The following FHIP2A variants were observed in gnomAD, a reference collection of about 807,000 sequenced individuals.
The protein encoded by FHIP2A is FHF complex subunit HOOK interacting protein 2A.
In FHIP2A, 46 loss-of-function variants were observed where a neutral mutation model predicts 93.5. The ratio of observed to expected loss-of-function variants is 0.49; its 90% CI spans 0.39 to 0.63. The LOEUF is 0.63. Among genes scored for constraint, FHIP2A ranks in the 20% least tolerant of loss-of-function variants. The pLI is 0.00. For missense variants in FHIP2A, 769 were observed against 909.7 expected (o/e 0.85, Z 1.99); for synonymous variants, 332 against 326.5 (o/e 1.02, Z -0.18).
chr10:114,881,416 C>T (rs1435923384), intron 16 of FHIP2A, among the ~76,000 whole-genome samples: 1 of 152,092 alleles, frequency 6.6e-6, no homozygotes. Flanking sequence ...CTCACCGGCA[C>T]CCTATGAGGC....
chr10:114,864,924 A>G (rs1199042291), downstream of FHIP2A, among the ~76,000 whole-genome samples: 1 of 152,160 alleles, frequency 6.6e-6, no homozygotes, highest in Non-Finnish European at 1.5e-5. Context: ...CCCCCAGGAA[A>G]ACCTCCACTT....
At chr10:114,872,864 C>T (rs1284368783) in intron 16 of FHIP2A, among the ~76,000 whole-genome samples, 3 of 152,180 alleles carry the variant, frequency 2.0e-5, no homozygotes, top group Non-Finnish European at 4.4e-5. Flanking sequence ...AATCCCCATC[C>T]CTGAGGGTCT....
At chr10:114,868,044 C>T (rs2083839223), downstream of FHIP2A, among the ~76,000 whole-genome samples, 1 of 151,832 alleles carries the variant, frequency 6.6e-6, no homozygotes, top group African/African-American at 2.4e-5. Flanking sequence ...AATCCTGCCT[C>T]AGCCTCCTGA....
intron 5 of FHIP2A, among the ~76,000 whole-genome samples, chr10:114,837,317 T>G (rs1450355930): frequency 6.6e-6 from 1 of 152,038 alleles, no homozygotes; most frequent in African/African-American, 2.4e-5. Flanking sequence ...GAGTTCGAGA[T>G]CAGCCTGACC....
downstream of FHIP2A, among the ~76,000 whole-genome samples, chr10:114,865,223 G>A (rs1352819257): frequency 1.3e-5 from 2 of 152,010 alleles, no homozygotes; most frequent in Admixed American, 1.3e-4. Flanking sequence ...TCTGACCTCA[G>A]GTGATCCACC....
At chr10:114,825,640 T>G (rs551901404) in intron 1 of FHIP2A, among the ~76,000 whole-genome samples, 1 of 152,364 alleles carries the variant, frequency 6.6e-6, no homozygotes, top group South Asian at 2.1e-4. Context: ...AAGAGTCTTA[T>G]GAAATGAATC....
intron 16 of FHIP2A, among the ~76,000 whole-genome samples, chr10:114,886,648 A>G (rs188773558): frequency 0.012 from 1,793 of 152,182 alleles, 11 homozygotes; most frequent in Middle Eastern, 0.02. Context: ...GTGTTCAAGC[A>G]ATTCTCCTGC....
rs149397516 is a variant in FHIP2A at position 114,881,827 on chromosome 10, C to G, written c.2193-17663C>G. Among the ~76,000 whole-genome samples the G allele has an allele frequency of 6.8e-3, 1,038 of 152,334 alleles. 8 individuals carry two copies. The highest frequency in any genetic ancestry group is 0.024 in the African/African-American group (997 of 41,574). The stretch of plus-strand genomic sequence containing the variant: ...CTCGCTCTCCCTACCCTCAATTTCT[C>G]CTGGAAAAAGCAAACATGACCAGGT... On this transcript the variant is annotated intron_variant, in intron 16 of 16. Transcript: ENST00000369250.
At chr10:114,866,465 A>G (rs1263394431), downstream of FHIP2A, among the ~76,000 whole-genome samples, 1 of 152,214 alleles carries the variant, frequency 6.6e-6, no homozygotes, top group Non-Finnish European at 1.5e-5. Flanking sequence ...AGCCTGTTTC[A>G]TTCACACTCA....
intron 16 of FHIP2A, among the ~76,000 whole-genome samples, chr10:114,896,093 C>G (rs1249821896): frequency 6.6e-6 from 1 of 152,062 alleles, no homozygotes; most frequent in Non-Finnish European, 1.5e-5. Context: ...AATGATTGAT[C>G]CTAGTTACCA....
rs199537610 is a variant in FHIP2A at position 114,846,218 on chromosome 10, A to G, written c.1249A>G (p.Ile417Val). Residue 417 changes from isoleucine (I) to valine (V), a missense_variant, in exon 10 of 17, where the codon ATC (isoleucine) becomes GTC (valine). Ile to Val is a conservative substitution (Grantham distance 29). Transcript: ENST00000369248. The part of the protein sequence containing the change: ...ILTSTALLHR[I>V]VRQVTSDVLL... ...CACATCCACTGCTCTGCTTCATCGC[A>G]TCGTTCGGCAAGTGACCTCTGATGT... is the stretch of plus-strand genomic sequence containing the variant. 2.9e-5 allele frequency: 47 copies of G among 1,614,150 alleles called. No individual in the cohort carries two copies. Among genetic ancestry groups the G allele is most frequent in the South Asian group, 1.1e-5 (1 of 91,084 alleles).
chr10:114,826,721 C>G (rs2083578734), intron 1 of FHIP2A, among the ~76,000 whole-genome samples: 1 of 152,132 alleles, frequency 6.6e-6, no homozygotes, highest in Non-Finnish European at 1.5e-5. Context: ...GCATCAGGCA[C>G]AGTGGCTCAC....
rs1343757322 is a variant in FHIP2A at position 114,848,650 on chromosome 10, T to C, written c.1716T>C (p.Phe572=). ...ATTGTGGCCGTTTTCATTTAAGTTT[T>C]CTCTGTCTGGTACCGGATGACGCAA... ...KTEVHKIVNS[F]LCLVPDDAKS... Residue 572 remains phenylalanine (F), a synonymous_variant, in exon 13 of 17, where the codon TTT becomes TTC. Transcript: ENST00000369248. 2.5e-6 allele frequency: 4 copies of C among 1,607,380 alleles called. No homozygotes were observed. The African/African-American group carries it at 5.4e-5, about 22-fold the overall frequency.
intron 5 of FHIP2A, among the ~76,000 whole-genome samples, chr10:114,839,380 G>A (rs1226173911): frequency 6.6e-6 from 1 of 152,104 alleles, no homozygotes; most frequent in Non-Finnish European, 1.5e-5. Flanking sequence ...ACCCACCTCA[G>A]CCTCCCAAAG....
chr10:114,842,355 G>A (rs2083673841), intron 5 of FHIP2A, among the ~76,000 whole-genome samples: 1 of 152,072 alleles, frequency 6.6e-6, no homozygotes, highest in Non-Finnish European at 1.5e-5. Context: ...ATGGGTCACT[G>A]TGCCCAGCTT....
At chr10:114,869,518 G>T (rs980884038), downstream of FHIP2A, among the ~76,000 whole-genome samples, 3 of 152,004 alleles carry the variant, frequency 2.0e-5, no homozygotes, top group Non-Finnish European at 4.4e-5. Flanking sequence ...TTGGTGTTGG[G>T]CTCCCACAGA....
At chr10:114,878,081 C>A (rs1031368622) in intron 16 of FHIP2A, among the ~76,000 whole-genome samples, 2 of 152,112 alleles carry the variant, frequency 1.3e-5, no homozygotes, top group African/African-American at 2.4e-5. Context: ...TTTCTATTCA[C>A]ATTTTTATGT....
intron 14 of FHIP2A, among the ~76,000 whole-genome samples, chr10:114,855,955 G>T (rs1032708135): frequency 1.3e-5 from 2 of 152,136 alleles, no homozygotes; most frequent in Non-Finnish European, 1.5e-5. Context: ...TCTCTCATTG[G>T]CTCATAAGCT....
chr10:114,886,613 C>T (rs1034938561), intron 16 of FHIP2A, among the ~76,000 whole-genome samples: 14 of 152,038 alleles, frequency 9.2e-5, no homozygotes, highest in African/African-American at 3.1e-4. Context: ...GGTGTGATAT[C>T]GGCCCACTGC....
Sources: gnomAD v4.1 joint callset for allele counts (sites outside exome capture counted in the v4.1 genomes callset) on GRCh38, gnomAD v4.1.1 for gene constraint, MANE v1.5 for transcripts, NCBI Gene and HGNC (gene_info 2026-07-23, HGNC 2026-07-21) for gene names.